The following ITSN1 variants were observed in gnomAD, a reference collection of about 807,000 sequenced individuals.
The protein encoded by ITSN1 is intersectin 1.
Under a neutral mutation model 239.8 loss-of-function variants are expected in ITSN1, and 58 were observed. The observed-to-expected ratio is 0.24, with a 90% CI of 0.20 to 0.30. ITSN1 has a LOEUF of 0.30. Ranked by LOEUF, ITSN1 falls within the 10% of genes least tolerant of loss-of-function variation. The pLI is 1.00. For missense variants in ITSN1, 1,558 were observed against 2,103.3 expected, an observed-to-expected ratio of 0.74 and a Z score of 5.07; for synonymous variants, 780 against 770.8, an observed-to-expected ratio of 1.01 and a Z score of -0.20.
chr21:33,645,014 GTC>G (rs950559841), intron 1 of ITSN1, among the ~76,000 whole-genome samples: 3 of 152,026 alleles, frequency 2.0e-5, no homozygotes, highest in East Asian at 1.9e-4. Context: ...TAGAGACAGG[GTC>G]TCTCTGTGTT....
chr21:33,803,995 A>G (rs2072213075), intron 20 of ITSN1, among the ~76,000 whole-genome samples: 1 of 152,168 alleles, frequency 6.6e-6, no homozygotes, highest in African/African-American at 2.4e-5. Context: ...ATAGATATTG[A>G]CATCTAATAG....
intron 28 of ITSN1, among the ~76,000 whole-genome samples, chr21:33,835,587 A>G (rs896731451): frequency 1.1e-4 from 16 of 152,200 alleles, no homozygotes; most frequent in African/African-American, 3.9e-4. Flanking sequence ...GATTTCTTTC[A>G]GGACAACATT....
At chr21:33,829,798 A>G in intron 27 of ITSN1, 53 bp downstream of exon 27, 2 of 1,603,292 alleles carry the variant, frequency 1.2e-6, no homozygotes, top group Middle Eastern at 1.7e-4. Context: ...TCAATACACA[A>G]AATCTCAAAG....
At chr21:33,667,134 CTT>C (rs905076898) in intron 1 of ITSN1, among the ~76,000 whole-genome samples, 3 of 142,790 alleles carry the variant, frequency 2.1e-5, no homozygotes, top group Admixed American at 7.0e-5. Flanking sequence ...AGCCTATTTG[CTT>C]TTTTTTTTTT....
chr21:33,699,837 A>G (rs565332807), intron 1 of ITSN1, among the ~76,000 whole-genome samples: 40 of 152,286 alleles, frequency 2.6e-4, no homozygotes, highest in African/African-American at 8.7e-4. Flanking sequence ...ATAGCTCACT[A>G]CAACCTCGAA....
chr21:33,866,495 C>T lies in ITSN1; in HGVS notation c.4075-738C>T, dbSNP rs118065595. On this transcript the variant is annotated intron_variant, in intron 32 of 39. Transcript: ENST00000381318. Reference sequence around the variant, plus strand: ...AGGGGCCTCATTGTCCCTCCCCGCCCCTCTCCTCTTCACCTCTCCCCACCT... The same window carrying T: ...AGGGGCCTCATTGTCCCTCCCCGCCTCTCTCCTCTTCACCTCTCCCCACCT... 5.2e-5 allele frequency among the ~76,000 whole-genome samples: 5 copies of T among 96,684 alleles called. No homozygotes were observed. The South Asian group carries it at 2.4e-3, about 47-fold the overall frequency. 63.4% of individuals were successfully genotyped at this position (96,684 alleles called of 152,430 possible).
At position 33,865,553 on chromosome 21, in the gene ITSN1, A is replaced by G. The variant is rs1981419299; in HGVS notation, c.4074+219A>G. ...AGGAGGGGTGAACCCTGGGCTTGGA[A>G]GCTTTGAAAGTGTCTTTAGGGATCT... On this transcript the variant is annotated intron_variant, in intron 32 of 39. Transcript: ENST00000381318. The surrounding 1 kb of genome is among the most constrained non-coding windows in gnomAD (Gnocchi z 4.4). 1.3e-5 allele frequency among the ~76,000 whole-genome samples: 2 copies of G among 152,226 alleles called. 1 individual carries two copies. The highest frequency in any genetic ancestry group is 4.1e-4 in the South Asian group (2 of 4,826).
At chr21:33,803,422 A>G (rs892315986) in intron 20 of ITSN1, among the ~76,000 whole-genome samples, 1 of 152,230 alleles carries the variant, frequency 6.6e-6, no homozygotes, top group Non-Finnish European at 1.5e-5. Context: ...TAAACAGCCC[A>G]ATGTCCATCA....
At position 33,774,710 on chromosome 21, in the gene ITSN1, G is replaced by T. The variant is rs1307490912; in HGVS notation, c.1306-19G>T. On this transcript the variant is annotated intron_variant, in intron 12 of 39. Coordinates refer to ENST00000381318, the MANE Select transcript of ITSN1 (RefSeq NM_003024.3). ...GTAAGAACTGAAAAATTAGTAATTT[G>T]TCTCTGTAAATGTCACAGGCTGCAA... is the stretch of plus-strand genomic sequence containing the variant. 1.2e-6 allele frequency: 2 copies of T among 1,603,112 alleles called. No homozygotes were observed. The highest frequency in any genetic ancestry group is 1.8e-5 in the Admixed American group (1 of 56,506).
intron 31 of ITSN1, among the ~76,000 whole-genome samples, chr21:33,864,556 C>T (rs1315149786): frequency 6.6e-6 from 1 of 152,176 alleles, no homozygotes; most frequent in East Asian, 1.9e-4. Flanking sequence ...GGCCCATTAT[C>T]ATAGTAATAG....
At chr21:33,863,263 C>T (rs1478197174) in intron 31 of ITSN1, among the ~76,000 whole-genome samples, 1 of 152,240 alleles carries the variant, frequency 6.6e-6, no homozygotes, top group Non-Finnish European at 1.5e-5. Flanking sequence ...TGTGGGTCTG[C>T]AGAACCCAGG....
chr21:33,730,666 C>T (rs1329959298), intron 4 of ITSN1, among the ~76,000 whole-genome samples: 1 of 151,468 alleles, frequency 6.6e-6, no homozygotes, highest in Non-Finnish European at 1.5e-5. Flanking sequence ...TCCCAAAGTG[C>T]TGGGATTACA....
intron 28 of ITSN1, 85 bp downstream of exon 28, chr21:33,834,509 G>C: frequency 1.0e-6 from 1 of 983,194 alleles, no homozygotes; most frequent in Non-Finnish European, 1.6e-6. Flanking sequence ...AATATCTTAG[G>C]TTGTTTTTCA....
intron 16 of ITSN1, among the ~76,000 whole-genome samples, chr21:33,793,825 T>C (rs2071334200): frequency 6.6e-6 from 1 of 152,242 alleles, no homozygotes; most frequent in South Asian, 2.1e-4. Context: ...GGGGGAAGAA[T>C]TGAGGTCAAA....
chr21:33,776,776 ATTTAC>A (rs915096327), intron 14 of ITSN1, among the ~76,000 whole-genome samples: 11 of 150,356 alleles, frequency 7.3e-5, no homozygotes, highest in African/African-American at 2.8e-4. Context: ...TTGTCTTACT[ATTTAC>A]TTGTAAAAGT....
At chr21:33,861,199 T>C (rs1046489096) in intron 31 of ITSN1, among the ~76,000 whole-genome samples, 2 of 152,162 alleles carry the variant, frequency 1.3e-5, no homozygotes, top group Non-Finnish European at 2.9e-5. Context: ...ACAAAAAACA[T>C]TGTGCTGTAT....
At chr21:33,860,565 C>A (rs1030519060) in intron 31 of ITSN1, among the ~76,000 whole-genome samples, 1 of 152,142 alleles carries the variant, frequency 6.6e-6, no homozygotes, top group Non-Finnish European at 1.5e-5. Flanking sequence ...GTGTGGGGGG[C>A]CAGGCCTGCG....
At chr21:33,750,536 C>T (rs930570769) in intron 6 of ITSN1, among the ~76,000 whole-genome samples, 2 of 152,120 alleles carry the variant, frequency 1.3e-5, no homozygotes, top group African/African-American at 4.8e-5. Context: ...TTATAGATTT[C>T]TGGGTACCAC....
chr21:33,895,564 T>C lies in ITSN1; in HGVS notation c.*7264T>C, dbSNP rs571752313. 2.7e-5 allele frequency: 4 copies of C among 149,652 alleles called. No individual in the cohort carries two copies. Among genetic ancestry groups the C allele is most frequent in the African/African-American group, 7.4e-5 (3 of 40,714 alleles). 9.3% of individuals were successfully genotyped at this position (149,652 alleles called of 1,614,324 possible). A position where few individuals can be genotyped will look rare whatever the true frequency, so the allele number is the denominator to read the frequency against. On this transcript the variant is annotated 3_prime_UTR_variant, in exon 40 of 40. Coordinates refer to ENST00000381318, the MANE Select transcript of ITSN1 (RefSeq NM_003024.3). ...GTGTGTGTGCACGCATGTGTGTGCG[T>C]GTATGTGTGCGTGTGTGCATGTTTG...
Sources: gnomAD v4.1 joint callset for allele counts (sites outside exome capture counted in the v4.1 genomes callset) on GRCh38, gnomAD v4.1.1 for gene constraint, Gnocchi (gnomAD v3.1) non-coding constraint, MANE v1.5 for transcripts, NCBI Gene and HGNC (gene_info 2026-07-23, HGNC 2026-07-21) for gene names.